The following GAN variants were observed in gnomAD, a reference collection of about 807,000 sequenced individuals.
GAN encodes epididymis secretory sperm binding protein.
GAN carries 48 observed loss-of-function variants against 71.3 expected under a neutral mutation model. The ratio of observed to expected loss-of-function variants is 0.67; its 90% confidence interval spans 0.53 to 0.86. GAN has a LOEUF of 0.86. Ranked by LOEUF, GAN falls within the 40% of genes least tolerant of loss-of-function variation. The pLI, the probability that GAN is intolerant of heterozygous loss-of-function variation, is 0.00. For synonymous variants in GAN, 386 were observed against 276.8 expected (o/e 1.39, Z -3.92); for missense variants, 928 against 770.1 (o/e 1.21, Z -2.43).
At chr16:81,322,943 G>GT (rs747282638) in intron 1 of GAN, among the ~76,000 whole-genome samples, 22 of 152,272 alleles carry the variant, frequency 1.4e-4, no homozygotes, top group Non-Finnish European at 3.1e-4. Context: ...GAAGCCAGAA[G>GT]TTTAAGGACA....
At position 81,315,175 on chromosome 16, in the gene GAN, G is replaced by C. The variant is rs1242438215; in HGVS notation, c.62G>C (p.Ser21Thr). 2 of 1,569,096 alleles carry C rather than the reference G, an allele frequency of 1.3e-6. No homozygotes were observed. The highest frequency in any genetic ancestry group is 2.5e-5 in the East Asian group (1 of 40,796). The change falls in exon 1 of 11, where the codon AGC becomes ACC. Residue 21 changes from serine (S) to threonine (T), a missense_variant. Physicochemically the swap from Ser to Thr is moderately conservative, Grantham distance 58. Transcript: ENST00000648994. ...GCCGCGCGTCTGCTGCGAGCGCTCAGCTCTTTCCGCGAGGAGTCTCGCTTC... is the reference window on the plus strand; with the variant it reads ...GCCGCGCGTCTGCTGCGAGCGCTCACCTCTTTCCGCGAGGAGTCTCGCTTC... ...QHAARLLRAL[S>T]SFREESRFCD... is the part of the protein sequence containing the mutation.
chr16:81,354,031 C>G (rs879242404), intron 2 of GAN, among the ~76,000 whole-genome samples: 2 of 152,102 alleles, frequency 1.3e-5, no homozygotes, highest in East Asian at 1.9e-4. Context: ...GATGCTGGTA[C>G]TTAATCATGT....
intron 1 of GAN, among the ~76,000 whole-genome samples, chr16:81,323,167 A>G (rs1347577336): frequency 6.6e-6 from 1 of 152,202 alleles, no homozygotes; most frequent in East Asian, 1.9e-4. Context: ...AAGTTGGTAC[A>G]GGGATTTGAC....
chr16:81,327,631 A>ACT (rs1228752040), intron 1 of GAN, among the ~76,000 whole-genome samples: 7 of 151,270 alleles, frequency 4.6e-5, no homozygotes, highest in African/African-American at 1.7e-4. Flanking sequence ...CTTCCTTGTA[A>ACT]CTCTCTACAT....
At chr16:81,326,404 A>G (rs1909389680) in intron 1 of GAN, among the ~76,000 whole-genome samples, 1 of 151,086 alleles carries the variant, frequency 6.6e-6, no homozygotes, top group South Asian at 2.1e-4. Context: ...GTGGTGGCAC[A>G]TGCCTGTAAT....
intron 10 of GAN, 41 bp from the exon 11 acceptor site, chr16:81,377,374 C>A: frequency 6.3e-7 from 1 of 1,597,938 alleles, no homozygotes; most frequent in East Asian, 2.2e-5. Flanking sequence ...CCTGGTGATT[C>A]TGGGTACATT....
intron 1 of GAN, among the ~76,000 whole-genome samples, chr16:81,329,321 G>A (rs916353240): frequency 1.3e-5 from 2 of 151,986 alleles, no homozygotes; most frequent in African/African-American, 4.8e-5. Flanking sequence ...GATTCATTCA[G>A]GGCAACTGGA....
chr16:81,335,687 C>G (rs571913778), intron 1 of GAN, among the ~76,000 whole-genome samples: 4 of 139,280 alleles, frequency 2.9e-5, no homozygotes, highest in Non-Finnish European at 4.5e-5. Context: ...GCGGAGGTTG[C>G]AGTGAGCCAA....
chr16:81,366,980 A>G (rs1024151957), intron 9 of GAN, among the ~76,000 whole-genome samples: 2 of 152,074 alleles, frequency 1.3e-5, no homozygotes, highest in Non-Finnish European at 2.9e-5. Flanking sequence ...GCATGCCACC[A>G]TGCCTGGCTA....
chr16:81,339,915 A>T (rs1190602913), intron 1 of GAN, among the ~76,000 whole-genome samples: 1 of 152,202 alleles, frequency 6.6e-6, no homozygotes, highest in African/African-American at 2.4e-5. Context: ...TTTGATACTT[A>T]ACCTTCAGGT....
At position 81,377,936 on chromosome 16, in the gene GAN, G is replaced by A. The variant is rs1043418221; in HGVS notation, c.*340G>A. ...ATACTAAGGTGCATTTTCCCTGAAG[G>A]GAACTCATGTCTGACTGCTGTATTC... On this transcript the variant is annotated 3_prime_UTR_variant, in exon 11 of 11. Coordinates refer to ENST00000648994, the MANE Select transcript of GAN (RefSeq NM_022041.4). The A allele has an allele frequency of 2.9e-6, 1 of 345,824 alleles. No individual in the cohort carries two copies. Among genetic ancestry groups the A allele is most frequent in the Non-Finnish European group, 5.5e-6 (1 of 181,628 alleles). The allele number at this position is 345,824 out of a possible 1,614,324, so 21.4% of individuals were successfully genotyped here. A position where few individuals can be genotyped will look rare whatever the true frequency, so the allele number is the denominator to read the frequency against.
chr16:81,346,652 C>G (rs142039139), intron 1 of GAN, among the ~76,000 whole-genome samples: 4 of 152,200 alleles, frequency 2.6e-5, no homozygotes, highest in African/African-American at 7.2e-5. Context: ...TTGTCTTCCA[C>G]GAAACCAGTC....
intron 1 of GAN, among the ~76,000 whole-genome samples, chr16:81,325,148 G>A (rs1457974213): frequency 2.0e-5 from 3 of 152,192 alleles, no homozygotes; most frequent in Non-Finnish European, 4.4e-5. Context: ...ATTAAAGTCA[G>A]GACAGTTTAG....
chr16:81,317,811 TA>T (rs1019085079), intron 1 of GAN, among the ~76,000 whole-genome samples: 2 of 152,236 alleles, frequency 1.3e-5, no homozygotes. Context: ...CAAGCACTTT[TA>T]CATACTGTGT....
intron 7 of GAN, 73 bp downstream of exon 7, chr16:81,364,016 G>A (rs1353071320): frequency 9.1e-7 from 1 of 1,099,948 alleles, no homozygotes; most frequent in African/African-American, 1.5e-5. Context: ...TTCATATCCT[G>A]AATAAACCTT....
In GAN at chr16:81,357,375, C is replaced by T. The variant is rs111428305; in HGVS notation, c.851+373C>T. ...TGCGGTGTTTGGTTTTTTGTTCTTG[C>T]GATAGTTTACTGAGAATGATGATTT... On this transcript the variant is annotated intron_variant, in intron 4 of 10. Transcript: ENST00000648994. Among the ~76,000 whole-genome samples, 694 of 152,160 alleles carry T rather than the reference C, an allele frequency of 4.6e-3. 5 individuals carry two copies. The highest frequency in any genetic ancestry group is 0.015 in the African/African-American group (634 of 41,496).
chr16:81,348,744 C>T (rs987654496), intron 1 of GAN, among the ~76,000 whole-genome samples: 1 of 152,202 alleles, frequency 6.6e-6, no homozygotes, highest in Admixed American at 6.5e-5. Context: ...ACTTGTTGAA[C>T]ACAGGTTTTG....
In GAN at chr16:81,378,814, C is replaced by G. The variant is rs1265143317; in HGVS notation, c.*1218C>G. 4 of 152,598 alleles carry G rather than the reference C, an allele frequency of 2.6e-5. No homozygotes were observed. The highest frequency in any genetic ancestry group is 2.1e-4 in the South Asian group (1 of 4,834). 9.5% of individuals were successfully genotyped at this position (152,598 alleles called of 1,614,324 possible). ...CTTCCCTCCTTTCCTATCTCTCATT[C>G]TCACCTCAACCCACTTTACCCCACT... On this transcript the variant is annotated 3_prime_UTR_variant, in exon 11 of 11. Coordinates refer to ENST00000648994, the MANE Select transcript of GAN (RefSeq NM_022041.4).
Position 81,385,281 on chromosome 16 carries a change from A to T in GAN, c.*7685A>T, listed in dbSNP as rs193302046. ...GAGACATTTCCTGGAAGTGATTTCCATGAGAACAAAGGCTTATTCCTTTAA... is the reference window on the plus strand; with the variant it reads ...GAGACATTTCCTGGAAGTGATTTCCTTGAGAACAAAGGCTTATTCCTTTAA... On this transcript the variant is annotated 3_prime_UTR_variant, in exon 11 of 11. Coordinates refer to ENST00000648994, the MANE Select transcript of GAN (RefSeq NM_022041.4). The T allele has an allele frequency of 1.3e-5, 2 of 152,352 alleles. No homozygotes were observed. Among genetic ancestry groups the T allele is most frequent in the Admixed American group, 1.3e-4 (2 of 15,308 alleles). The allele number at this position is 152,352 out of a possible 1,614,324, so 9.4% of individuals were successfully genotyped here. A position where few individuals can be genotyped will look rare whatever the true frequency, so the allele number is the denominator to read the frequency against.
Sources: allele counts gnomAD v4.1 joint callset (sites outside exome capture counted in the v4.1 genomes callset), GRCh38; gene constraint gnomAD v4.1.1; transcripts MANE v1.5; gene names NCBI Gene and HGNC (gene_info 2026-07-23, HGNC 2026-07-21).